The following IKZF1 variants were observed in gnomAD, a reference collection of about 807,000 sequenced individuals.
The protein encoded by IKZF1 is DNA-binding protein Ikaros.
Under a neutral mutation model 51.7 loss-of-function variants are expected in IKZF1, and 10 were observed. That is an observed-to-expected ratio of 0.19 (90% CI 0.12 to 0.33). The LOEUF (loss-of-function observed/expected upper bound fraction) is 0.33, where lower values mean the gene tolerates loss of function less well. Among genes scored for constraint, IKZF1 ranks in the 10% least tolerant of loss-of-function variants. IKZF1 has a pLI of 1.00. For synonymous variants in IKZF1, 280 were observed against 282.3 expected (o/e 0.99, Z 0.08); for missense variants, 484 against 707.5 (o/e 0.68, Z 3.58).
At chr7:50,342,364 C>G (rs1035414193) in intron 3 of IKZF1, among the ~76,000 whole-genome samples, 7 of 152,220 alleles carry the variant, frequency 4.6e-5, no homozygotes, top group Admixed American at 1.3e-4. Context: ...TAATTTTTGT[C>G]TTCATCCCTT....
At chr7:50,386,289 C>T (rs1203554950) in intron 5 of IKZF1, among the ~76,000 whole-genome samples, 4 of 152,190 alleles carry the variant, frequency 2.6e-5, no homozygotes, top group Admixed American at 2.0e-4. Flanking sequence ...TAGAACTGCA[C>T]TGCCCAATAC....
intron 5 of IKZF1, among the ~76,000 whole-genome samples, chr7:50,384,004 G>A (rs567068562): frequency 6.6e-6 from 1 of 152,228 alleles, no homozygotes; most frequent in Admixed American, 6.5e-5. Context: ...AAGCACCAAT[G>A]TGTTACAGGA....
intron 5 of IKZF1, among the ~76,000 whole-genome samples, chr7:50,385,692 C>T (rs1291323828): frequency 6.6e-6 from 1 of 152,184 alleles, no homozygotes; most frequent in Admixed American, 6.5e-5. Context: ...GTCATATTTA[C>T]AGGAAGCTAT....
intron 3 of IKZF1, among the ~76,000 whole-genome samples, chr7:50,343,026 T>TCTTC (rs201199681): frequency 6.6e-6 from 1 of 152,042 alleles, no homozygotes; most frequent in African/African-American, 2.4e-5. Context: ...CTGTCTTTCT[T>TCTTC]CTTCCTTCCT....
At chr7:50,322,331 G>A (rs1045176825) in intron 2 of IKZF1, among the ~76,000 whole-genome samples, 2 of 152,094 alleles carry the variant, frequency 1.3e-5, no homozygotes, top group Non-Finnish European at 2.9e-5. Context: ...TAAAGTATCA[G>A]CAATTTCATA....
chr7:50,368,429 G>GAT, intron 3 of IKZF1: 2 of 621,566 alleles, frequency 3.2e-6, no homozygotes, highest in Non-Finnish European at 5.8e-6. Context: ...ACAAAGAACT[G>GAT]AACATGGTTT....
intron 3 of IKZF1, chr7:50,368,510 A>G (rs879755376): frequency 2.7e-5 from 16 of 588,126 alleles, no homozygotes; most frequent in African/African-American, 1.9e-4. Flanking sequence ...CTGGAGTATT[A>G]ATTTCAGAAC....
At chr7:50,313,873 C>T (rs1429816296) in intron 1 of IKZF1, among the ~76,000 whole-genome samples, 1 of 152,208 alleles carries the variant, frequency 6.6e-6, no homozygotes, top group African/African-American at 2.4e-5. Context: ...TCTTATGAGG[C>T]TTAACCATTT....
In IKZF1 at chr7:50,403,244, A is replaced by G. The variant is rs567553507; in HGVS notation, c.*2617A>G. ...TATTATGTCAGCAAGTAATTAACTT[A>G]TGTTTAAAAGGTGGCCATATCATGT... On this transcript the variant is annotated 3_prime_UTR_variant, in exon 8 of 8. Transcript: ENST00000331340. 2.7e-5 allele frequency: 6 copies of G among 221,012 alleles called. No individual in the cohort carries two copies. Among genetic ancestry groups the G allele is most frequent in the African/African-American group, 1.3e-4 (6 of 44,722 alleles). 13.7% of individuals were successfully genotyped at this position (221,012 alleles called of 1,614,324 possible). A position where few individuals can be genotyped will look rare whatever the true frequency, so the allele number is the denominator to read the frequency against.
chr7:50,345,913 G>A (rs75739082), intron 3 of IKZF1, among the ~76,000 whole-genome samples: 11,591 of 152,192 alleles, frequency 0.076, 834 homozygotes, highest in African/African-American at 0.19. Flanking sequence ...TGCAGTGGCA[G>A]TTCTGCCTGG....
At chr7:50,344,938 C>T (rs369439987) in intron 3 of IKZF1, among the ~76,000 whole-genome samples, 1 of 151,876 alleles carries the variant, frequency 6.6e-6, no homozygotes, top group Non-Finnish European at 1.5e-5. Flanking sequence ...AAATTTAAAT[C>T]AAATATATTA....
At chr7:50,388,340 C>T (rs374545081) in intron 6 of IKZF1, 4 of 152,210 alleles carry the variant, frequency 2.6e-5, no homozygotes, top group Admixed American at 6.5e-5. Flanking sequence ...ATTCACCTTT[C>T]GGACTTTAAC....
At chr7:50,366,080 T>C (rs1427779064) in intron 3 of IKZF1, among the ~76,000 whole-genome samples, 1 of 151,892 alleles carries the variant, frequency 6.6e-6, no homozygotes, top group Non-Finnish European at 1.5e-5. Context: ...ATGAGGAGAA[T>C]ACATGGGCAC....
At chr7:50,391,579 T>C (rs1029140136) in intron 6 of IKZF1, 150 bp from the exon 7 acceptor site, 1 of 1,220,944 alleles carries the variant, frequency 8.2e-7, no homozygotes, top group Non-Finnish European at 1.1e-6. Context: ...CCTCTGCCTG[T>C]CTGGAAGTGT....
intron 7 of IKZF1, among the ~76,000 whole-genome samples, chr7:50,399,669 A>G (rs771528370): frequency 2.6e-5 from 4 of 152,188 alleles, no homozygotes; most frequent in Non-Finnish European, 4.4e-5. Flanking sequence ...AAGTGCTTAT[A>G]ATGGGTAGGT....
chr7:50,334,203 C>A (rs1276944034), intron 3 of IKZF1, among the ~76,000 whole-genome samples: 4 of 152,188 alleles, frequency 2.6e-5, no homozygotes, highest in African/African-American at 9.7e-5. Flanking sequence ...AAGTAAGTGA[C>A]TTTTGTGCTA....
chr7:50,397,811 G>A (rs1329399803), intron 7 of IKZF1, among the ~76,000 whole-genome samples: 2 of 152,070 alleles, frequency 1.3e-5, no homozygotes, highest in Non-Finnish European at 2.9e-5. Flanking sequence ...CAGCTTCATA[G>A]GGTTTTCATC....
At chr7:50,327,443 T>C in intron 2 of IKZF1, 195 bp from the exon 3 acceptor site, 1 of 500,000 alleles carries the variant, frequency 2.0e-6, no homozygotes, top group Non-Finnish European at 3.4e-6. Context: ...TGCACATCTA[T>C]GTTCTCTCAT....
At chr7:50,320,554 T>C (rs895450869) in intron 2 of IKZF1, among the ~76,000 whole-genome samples, 21 of 152,228 alleles carry the variant, frequency 1.4e-4, no homozygotes, top group African/African-American at 5.1e-4. Context: ...TAATTTTGTC[T>C]CCTTTAACAA....
Sources: allele counts gnomAD v4.1 joint callset (sites outside exome capture counted in the v4.1 genomes callset), GRCh38; gene constraint gnomAD v4.1.1; transcripts MANE v1.5; gene names NCBI Gene and HGNC (gene_info 2026-07-23, HGNC 2026-07-21).